OTOGL: variants seen among roughly 807,000 people sequenced by gnomAD.
The protein encoded by OTOGL is otogelin like, also known as otogelin-like protein.
A neutral mutation model predicts 318.5 loss-of-function variants in OTOGL; 285 were observed. The observed-to-expected ratio is 0.89, with a 90% CI of 0.81 to 0.99. The LOEUF (loss-of-function observed/expected upper bound fraction) is 0.99. OTOGL is among the 50% of genes least tolerant of loss of function. The probability of loss-of-function intolerance (pLI) is 0.00; values close to 1 mark genes in which losing one functional copy is unlikely to be tolerated. For missense variants in OTOGL, 2,899 were observed against 2,845.6 expected (o/e 1.02, Z -0.43); for synonymous variants, 987 against 936.5 (o/e 1.05, Z -0.99).
In OTOGL at chr12:80,366,667, A is replaced by G. The variant is rs756152693; in HGVS notation, c.6331+30A>G. Reference sequence around the variant, plus strand: ...CTATGTCTTTTGTAACTTTTAAATTATAAATGAATATCATTAGTATCTGTT... The same window carrying G: ...CTATGTCTTTTGTAACTTTTAAATTGTAAATGAATATCATTAGTATCTGTT... On this transcript the variant is annotated intron_variant, in intron 53 of 58. Transcript: ENST00000547103. The G allele has an allele frequency of 6.1e-6, 6 of 986,800 alleles. No homozygotes were observed. In the South Asian group the frequency reaches 1.2e-4, roughly 20 times the overall value. 61.1% of individuals were successfully genotyped at this position (986,800 alleles called of 1,614,324 possible).
chr12:80,232,769 C>T (rs1270971062), intron 8 of OTOGL, 123 bp from the exon 9 acceptor site: 5 of 898,028 alleles, frequency 5.6e-6, no homozygotes, highest in Non-Finnish European at 8.3e-6. Flanking sequence ...TCTTGCTGCA[C>T]AGCTTATTCA....
chr12:80,333,894 A>G (rs1446218485), intron 38 of OTOGL, among the ~76,000 whole-genome samples: 1 of 152,184 alleles, frequency 6.6e-6, no homozygotes, highest in African/African-American at 2.4e-5. Context: ...TACCTAATGT[A>G]TTAAAAGAAT....
At chr12:80,225,646 A>T (rs1221273757) in intron 7 of OTOGL, among the ~76,000 whole-genome samples, 1 of 152,066 alleles carries the variant, frequency 6.6e-6, no homozygotes, top group Non-Finnish European at 1.5e-5. Flanking sequence ...TAAAATTTAA[A>T]TTATAGTTTT....
rs748065077 is a variant in OTOGL, at chr12:80,267,337, A to C, written c.2465+10A>C. 2.2e-5 allele frequency: 32 copies of C among 1,454,498 alleles called. No individual in the cohort carries two copies. The highest frequency in any genetic ancestry group is 3.0e-5 in the Non-Finnish European group (32 of 1,062,994). 90.1% of individuals were successfully genotyped at this position (1,454,498 alleles called of 1,614,324 possible). A position where few individuals can be genotyped will look rare whatever the true frequency, so the allele number is the denominator to read the frequency against. Reference sequence around the variant, plus strand: ...CACCCTCGGGCTTATGGTAGGTTTCAATGATGGGGATTGTGTTTGACAAAT... The same window carrying C: ...CACCCTCGGGCTTATGGTAGGTTTCCATGATGGGGATTGTGTTTGACAAAT... On this transcript the variant is annotated intron_variant, in intron 22 of 58. Coordinates refer to ENST00000547103, the MANE Select transcript of OTOGL (RefSeq NM_001378609.3).
intron 1 of OTOGL, among the ~76,000 whole-genome samples, chr12:80,174,954 A>G (rs1874436703): frequency 6.6e-6 from 1 of 152,100 alleles, no homozygotes; most frequent in Non-Finnish European, 1.5e-5. Flanking sequence ...AAAACTGAGT[A>G]AAATACCTGG....
At chr12:80,156,851 T>C (rs1873156232) in intron 1 of OTOGL, among the ~76,000 whole-genome samples, 1 of 152,200 alleles carries the variant, frequency 6.6e-6, no homozygotes, top group Non-Finnish European at 1.5e-5. Flanking sequence ...ATAGAGACAC[T>C]TAGATTGCAT....
chr12:80,334,387 G>A (rs932077043), intron 38 of OTOGL, among the ~76,000 whole-genome samples: 2 of 152,120 alleles, frequency 1.3e-5, no homozygotes, highest in Non-Finnish European at 2.9e-5. Flanking sequence ...GCCATGTGAA[G>A]CTTGAGATTC....
At chr12:80,289,932 C>T (rs1469341450) in intron 26 of OTOGL, among the ~76,000 whole-genome samples, 1 of 152,076 alleles carries the variant, frequency 6.6e-6, no homozygotes, top group African/African-American at 2.4e-5. Context: ...GTTCCAGGTG[C>T]CTCTGGGGTA....
chr12:80,166,221 C>T (rs1464138049), intron 1 of OTOGL, among the ~76,000 whole-genome samples: 1 of 149,770 alleles, frequency 6.7e-6, no homozygotes, highest in Non-Finnish European at 1.5e-5. Flanking sequence ...CCCTCCTTTC[C>T]TCCCTCTCTT....
chr12:80,269,601 A>G (rs948493115), intron 22 of OTOGL, among the ~76,000 whole-genome samples: 4 of 152,084 alleles, frequency 2.6e-5, no homozygotes, highest in African/African-American at 9.7e-5. Flanking sequence ...TTCATGGTTT[A>G]TGTGTTTCCA....
chr12:80,305,531 TAA>T, intron 28 of OTOGL, 43 bp from the exon 29 acceptor site: 24 of 1,386,290 alleles, frequency 1.7e-5, no homozygotes, highest in Non-Finnish European at 2.2e-5. Flanking sequence ...CTTTAAATGT[TAA>T]AGTGAAAACA....
intron 1 of OTOGL, among the ~76,000 whole-genome samples, chr12:80,190,307 A>G (rs1167525314): frequency 6.6e-6 from 1 of 152,222 alleles, no homozygotes; most frequent in Non-Finnish European, 1.5e-5. Context: ...AAATATTTTA[A>G]TGCTTAGAAG....
At chr12:80,102,799 T>C in intron 1 of OTOGL, 1 of 623,056 alleles carries the variant, frequency 1.6e-6, no homozygotes, top group Non-Finnish European at 2.8e-6. Flanking sequence ...TTCCCAGAGT[T>C]GTCTCTTACC....
At chr12:80,197,453 C>T (rs1340369786) in intron 1 of OTOGL, among the ~76,000 whole-genome samples, 1 of 152,104 alleles carries the variant, frequency 6.6e-6, no homozygotes, top group Non-Finnish European at 1.5e-5. Flanking sequence ...CTTGAACTCC[C>T]GACCTCAAGT....
intron 1 of OTOGL, among the ~76,000 whole-genome samples, chr12:80,177,998 C>A (rs978815685): frequency 6.7e-6 from 1 of 150,264 alleles, no homozygotes; most frequent in Admixed American, 6.6e-5. Context: ...GGAGATTGTT[C>A]TCTCAATTCT....
Position 80,378,086 on chromosome 12 carries a change from G to C in OTOGL, c.*38G>C. The C allele has an allele frequency of 7.0e-7, 1 of 1,423,938 alleles. No homozygotes were observed. Among genetic ancestry groups the C allele is most frequent in the African/African-American group, 1.4e-5 (1 of 70,312 alleles). 88.2% of individuals were successfully genotyped at this position (1,423,938 alleles called of 1,614,324 possible). ...CAAGAGCTCTATACAACATCATAAC[G>C]TCAGATAGAATTAACTTTTATTGCT... On this transcript the variant is annotated 3_prime_UTR_variant, in exon 59 of 59. Transcript: ENST00000547103.
intron 26 of OTOGL, among the ~76,000 whole-genome samples, chr12:80,293,898 T>C (rs1003166583): frequency 2.6e-5 from 4 of 152,116 alleles, no homozygotes; most frequent in Non-Finnish European, 5.9e-5. Flanking sequence ...AGCAGAGATT[T>C]TGTGTGGGAT....
At chr12:80,249,837 T>G (rs975191855) in intron 11 of OTOGL, among the ~76,000 whole-genome samples, 5 of 151,798 alleles carry the variant, frequency 3.3e-5, no homozygotes, top group East Asian at 3.9e-4. Flanking sequence ...CGTAGGACCC[T>G]CCGAGGCAGG....
chr12:80,352,272 T>C, intron 44 of OTOGL, 23 bp from the exon 45 acceptor site: 2 of 1,594,156 alleles, frequency 1.3e-6, no homozygotes, highest in African/African-American at 1.3e-5. Flanking sequence ...TATAACTTAT[T>C]TCAAGGCAAA....
Sources: gnomAD v4.1 joint callset for allele counts (sites outside exome capture counted in the v4.1 genomes callset) on GRCh38, gnomAD v4.1.1 for gene constraint, MANE v1.5 for transcripts, NCBI Gene and HGNC (gene_info 2026-07-23, HGNC 2026-07-21) for gene names.